The following SAMD4A variants were observed in gnomAD, a reference collection of about 807,000 sequenced individuals.
SAMD4A encodes sterile alpha motif domain containing 4A.
Under a neutral mutation model 81.3 loss-of-function variants are expected in SAMD4A, and 33 were observed. The observed-to-expected ratio is 0.41, with a 90% CI of 0.31 to 0.54. SAMD4A has a LOEUF of 0.54. SAMD4A is among the 20% of genes least tolerant of loss of function. The probability of loss-of-function intolerance (pLI) is 0.37; values close to 1 mark genes in which losing one functional copy is unlikely to be tolerated. For missense variants in SAMD4A, 854 were observed against 951.1 expected, an observed-to-expected ratio of 0.90 and a Z score of 1.34; for synonymous variants, 389 against 382.1, an observed-to-expected ratio of 1.02 and a Z score of -0.21.
chr14:54,702,903 G>A (rs1411002509), intron 3 of SAMD4A: 1 of 288,522 alleles, frequency 3.5e-6, no homozygotes, highest in Non-Finnish European at 6.5e-6. Flanking sequence ...CTTTCACCCT[G>A]GGGTTTTGGA....
chr14:54,737,044 C>G lies in SAMD4A; in HGVS notation c.736C>G (p.His246Asp), dbSNP rs571595465. 1.2e-6 allele frequency: 2 copies of G among 1,613,856 alleles called. No homozygotes were observed. The highest frequency in any genetic ancestry group is 2.7e-5 in the African/African-American group (2 of 74,944). ...TCCAGTTCTCTCAGGCCAGGCACAC[C>G]ACAGCCCTTTGAAACGATCTGTGTC... ...TSTILSGQAHHSPLKRSVSLT... is the reference protein window; with the variant it reads ...TSTILSGQAHDSPLKRSVSLT... Residue 246 changes from histidine to aspartate, a missense_variant, in exon 4 of 13, where the codon CAC (histidine) becomes GAC (aspartate). By Grantham distance (81) the His-to-Asp change is moderately conservative (BLOSUM62 -1). Transcript: ENST00000554335.
chr14:54,715,236 C>CA (rs1259401908), intron 3 of SAMD4A, among the ~76,000 whole-genome samples: 1 of 152,038 alleles, frequency 6.6e-6, no homozygotes, highest in Non-Finnish European at 1.5e-5. Flanking sequence ...ACTTCCAACT[C>CA]AGAGTGTGAT....
chr14:54,570,874 C>G (rs2033109118), intron 2 of SAMD4A, among the ~76,000 whole-genome samples: 1 of 152,154 alleles, frequency 6.6e-6, no homozygotes, highest in South Asian at 2.1e-4. Flanking sequence ...ATGACTCATT[C>G]ATTGGATTGC....
intron 2 of SAMD4A, among the ~76,000 whole-genome samples, chr14:54,629,941 T>C (rs1340815470): frequency 6.6e-6 from 1 of 152,206 alleles, no homozygotes; most frequent in Non-Finnish European, 1.5e-5. Context: ...CTTATCCCTT[T>C]GTGTCTGGTT....
chr14:54,705,937 AT>A (rs1287443929), intron 3 of SAMD4A, among the ~76,000 whole-genome samples: 1 of 152,238 alleles, frequency 6.6e-6, no homozygotes, highest in African/African-American at 2.4e-5. Context: ...GTGCAGTAAA[AT>A]AATACTCTAA....
At chr14:54,756,607 G>A (rs1475811934) in intron 6 of SAMD4A, among the ~76,000 whole-genome samples, 1 of 152,188 alleles carries the variant, frequency 6.6e-6, no homozygotes, top group East Asian at 1.9e-4. Context: ...GGGTGCATGA[G>A]AGGAGGAAAG....
At chr14:54,701,604 CAGGATTT>C (rs1205516865) in intron 2 of SAMD4A, among the ~76,000 whole-genome samples, 1 of 152,132 alleles carries the variant, frequency 6.6e-6, no homozygotes, top group Non-Finnish European at 1.5e-5. Flanking sequence ...ATGCCTTTAC[CAGGATTT>C]AAATCACTTT....
rs1479126054 is a variant in SAMD4A at position 54,789,638 on chromosome 14, T to A, written c.*694T>A. ...TTCATACTATGGTTTTCGTAAAGGATCTGTTGTTGTTACGGATTCATTTTT... is the reference window on the plus strand; with the variant it reads ...TTCATACTATGGTTTTCGTAAAGGAACTGTTGTTGTTACGGATTCATTTTT... On this transcript the variant is annotated 3_prime_UTR_variant, in exon 13 of 13. Coordinates refer to ENST00000554335, the MANE Select transcript of SAMD4A (RefSeq NM_015589.6). 6.6e-6 allele frequency: 1 copy of A among 152,238 alleles called. No homozygotes were observed. The highest frequency in any genetic ancestry group is 1.5e-5 in the Non-Finnish European group (1 of 68,044). 9.4% of individuals were successfully genotyped at this position (152,238 alleles called of 1,614,324 possible). A position where few individuals can be genotyped will look rare whatever the true frequency, so the allele number is the denominator to read the frequency against.
chr14:54,697,522 T>C (rs944206770), intron 2 of SAMD4A, among the ~76,000 whole-genome samples: 1 of 152,162 alleles, frequency 6.6e-6, no homozygotes, highest in African/African-American at 2.4e-5. Flanking sequence ...AAGGTTGTTT[T>C]GTGAGTGGAT....
intron 4 of SAMD4A, among the ~76,000 whole-genome samples, chr14:54,746,053 C>T (rs1339741632): frequency 1.3e-5 from 2 of 152,234 alleles, no homozygotes; most frequent in African/African-American, 4.8e-5. Context: ...CAGAATCCAG[C>T]ATCCAAGTCA....
intron 2 of SAMD4A, among the ~76,000 whole-genome samples, chr14:54,684,580 G>T (rs1335262704): frequency 6.6e-6 from 1 of 151,786 alleles, no homozygotes; most frequent in Non-Finnish European, 1.5e-5. Flanking sequence ...ATCCCTGAGG[G>T]CCTGCCCTGT....
Position 54,775,092 on chromosome 14 carries a change from G to T in SAMD4A, c.1874G>T (p.Arg625Leu), listed in dbSNP as rs370029371. The T allele has an allele frequency of 2.5e-6, 4 of 1,614,124 alleles. No homozygotes were observed. The highest frequency in any genetic ancestry group is 3.4e-6 in the Non-Finnish European group (4 of 1,180,018). ...GTSGFVSSNQ[R>L]NTTATPTIMK... Reference sequence around the variant, plus strand: ...AGTGGATTCGTCAGCTCCAACCAGCGCAACACCACAGCTACCCCCACCATC... The same window carrying T: ...AGTGGATTCGTCAGCTCCAACCAGCTCAACACCACAGCTACCCCCACCATC... Residue 625 changes from arginine (R) to leucine (L), a missense_variant, in exon 10 of 13, where the codon CGC becomes CTC. Transcript: ENST00000554335.
At chr14:54,660,637 C>G (rs1452037478) in intron 2 of SAMD4A, among the ~76,000 whole-genome samples, 1 of 152,100 alleles carries the variant, frequency 6.6e-6, no homozygotes, top group Non-Finnish European at 1.5e-5. Context: ...TTGACATTTG[C>G]TGTGCTCTGG....
intron 2 of SAMD4A, among the ~76,000 whole-genome samples, chr14:54,627,473 C>A (rs1320773263): frequency 2.0e-5 from 3 of 152,156 alleles, no homozygotes; most frequent in Non-Finnish European, 4.4e-5. Flanking sequence ...GTCTTAATCC[C>A]TGATTTGTGT....
chr14:54,742,846 A>C (rs1264321775), intron 4 of SAMD4A, among the ~76,000 whole-genome samples: 1 of 152,248 alleles, frequency 6.6e-6, no homozygotes, highest in Non-Finnish European at 1.5e-5. Context: ...ATAGCAATTA[A>C]GAGTGGAGGG....
At chr14:54,780,282 C>T (rs1417465696) in intron 11 of SAMD4A, among the ~76,000 whole-genome samples, 1 of 152,188 alleles carries the variant, frequency 6.6e-6, no homozygotes, top group East Asian at 1.9e-4. Flanking sequence ...CACATGGCAG[C>T]ATTTCATGGT....
chr14:54,574,649 T>C (rs778219892), intron 2 of SAMD4A, among the ~76,000 whole-genome samples: 2 of 152,220 alleles, frequency 1.3e-5, no homozygotes, highest in Non-Finnish European at 2.9e-5. Flanking sequence ...TCACCTAGTA[T>C]TTTCATCCCG....
intron 2 of SAMD4A, among the ~76,000 whole-genome samples, chr14:54,690,481 A>G (rs1241580029): frequency 6.6e-6 from 1 of 151,606 alleles, no homozygotes; most frequent in Non-Finnish European, 1.5e-5. Flanking sequence ...AGGGCCTAGG[A>G]GTACTTTAGA....
At chr14:54,657,179 T>A (rs529931742) in intron 2 of SAMD4A, among the ~76,000 whole-genome samples, 2 of 152,306 alleles carry the variant, frequency 1.3e-5, no homozygotes, top group South Asian at 4.1e-4. Flanking sequence ...ATATTGGCCA[T>A]TAAAATATTC....
Sources: allele counts gnomAD v4.1 joint callset (sites outside exome capture counted in the v4.1 genomes callset), GRCh38; gene constraint gnomAD v4.1.1; transcripts MANE v1.5; gene names NCBI Gene and HGNC (gene_info 2026-07-23, HGNC 2026-07-21).